DLGAP2: variants seen among roughly 807,000 people sequenced by gnomAD.
DLGAP2 encodes the protein DLG associated protein 2.
A neutral mutation model predicts 100.3 loss-of-function variants in DLGAP2; 26 were observed. The observed-to-expected ratio is 0.26, with a 90% CI of 0.19 to 0.36. The LOEUF is 0.36. DLGAP2 is among the 10% of genes least tolerant of loss of function. The pLI is 1.00. For missense variants in DLGAP2, 1,858 were observed against 1,453.2 expected, an observed-to-expected ratio of 1.28 and a Z score of -4.53; for synonymous variants, 886 against 630.1, an observed-to-expected ratio of 1.41 and a Z score of -6.08.
At chr8:1,104,697 G>T (rs894441082) in intron 2 of DLGAP2, among the ~76,000 whole-genome samples, 5 of 150,640 alleles carry the variant, frequency 3.3e-5, no homozygotes, top group Non-Finnish European at 7.4e-5. Context: ...CTGGTGGGCT[G>T]CACTGAGGGG....
intron 3 of DLGAP2, among the ~76,000 whole-genome samples, chr8:1,322,872 GCATAATTAT>G (rs1485820282): frequency 1.3e-5 from 2 of 152,150 alleles, no homozygotes; most frequent in Non-Finnish European, 2.9e-5. Flanking sequence ...TTGTCACAGT[GCATAATTAT>G]TATAATCATT....
intron 4 of DLGAP2, among the ~76,000 whole-genome samples, chr8:1,540,814 G>T (rs180928981): frequency 3.3e-5 from 5 of 152,376 alleles, no homozygotes; most frequent in Non-Finnish European, 5.9e-5. Context: ...GGATAATACA[G>T]TTCCACCTTT....
At chr8:1,421,600 G>C (rs904450949) in intron 3 of DLGAP2, among the ~76,000 whole-genome samples, 2 of 152,158 alleles carry the variant, frequency 1.3e-5, no homozygotes, top group Admixed American at 6.5e-5. Flanking sequence ...ATATTGAAGA[G>C]AGTAACGATT....
chr8:1,212,370 G>T (rs992631845), intron 2 of DLGAP2, among the ~76,000 whole-genome samples: 3 of 152,212 alleles, frequency 2.0e-5, no homozygotes, highest in African/African-American at 7.2e-5. Context: ...GACCCATGGA[G>T]CATTAAGAGA....
intron 2 of DLGAP2, among the ~76,000 whole-genome samples, chr8:1,208,093 T>G (rs1798032084): frequency 6.6e-6 from 1 of 152,238 alleles, no homozygotes; most frequent in Non-Finnish European, 1.5e-5. Flanking sequence ...TATCTTTGCT[T>G]TTGTTGAATT....
At chr8:1,189,890 G>T (rs374957994) in intron 2 of DLGAP2, among the ~76,000 whole-genome samples, 2 of 152,176 alleles carry the variant, frequency 1.3e-5, no homozygotes, top group East Asian at 3.9e-4. Context: ...GGTGATGGGG[G>T]AGGGTAACTC....
At chr8:1,456,384 C>T (rs1798312679) in intron 3 of DLGAP2, among the ~76,000 whole-genome samples, 4 of 152,108 alleles carry the variant, frequency 2.6e-5, no homozygotes, top group African/African-American at 7.2e-5. Context: ...CTAATGGTGC[C>T]GTGTATCTAA....
chr8:1,048,821 T>C (rs796771605), intron 2 of DLGAP2, among the ~76,000 whole-genome samples: 13 of 152,072 alleles, frequency 8.5e-5, no homozygotes, highest in African/African-American at 3.1e-4. Context: ...GTAAAATGAG[T>C]AGCCGGGATT....
Position 1,417,159 on chromosome 8 carries a change from A to AGG in DLGAP2, c.107-84207_107-84206insGG, listed in dbSNP as rs1563133699. On this transcript the variant is annotated intron_variant, in intron 3 of 14. Coordinates refer to ENST00000637795, the MANE Select transcript of DLGAP2 (RefSeq NM_001346810.2). ...TCTGAGGCGGGGGAGACTCTGAGTG[A>AGG]AGGGGAAGCCCCCGTTCATTTAGTG... Among the ~76,000 whole-genome samples, 43 of 77,220 alleles carry AGG rather than the reference A, an allele frequency of 5.6e-4. 5 individuals carry two copies. Among genetic ancestry groups the AGG allele is most frequent in the African/African-American group, 2.4e-3 (37 of 15,632 alleles). The allele number at this position is 77,220 out of a possible 152,430, so 50.7% of individuals were successfully genotyped here.
intron 12 of DLGAP2, among the ~76,000 whole-genome samples, chr8:1,690,865 A>C (rs1055978865): frequency 1.3e-5 from 2 of 152,134 alleles, no homozygotes; most frequent in African/African-American, 4.8e-5. Context: ...TACTGGGTAC[A>C]TGGATTGGTG....
At chr8:765,805 G>A (rs1028534914) in intron 1 of DLGAP2, among the ~76,000 whole-genome samples, 8 of 151,828 alleles carry the variant, frequency 5.3e-5, no homozygotes, top group African/African-American at 7.3e-5. Context: ...ACACACACAC[G>A]CGATGATGCA....
chr8:1,590,982 G>C (rs903535089), intron 6 of DLGAP2, among the ~76,000 whole-genome samples: 3 of 152,184 alleles, frequency 2.0e-5, no homozygotes, highest in African/African-American at 7.2e-5. Context: ...TGTGCTTCTA[G>C]TCTTGGGATA....
Position 1,586,454 on chromosome 8 carries a change from AC to A in DLGAP2, c.1442+20561del, listed in dbSNP as rs1236969519. ...TGTCTCACGTCCACATCGATCTCCG[AC>A]TTGCTCTGCCTTCCTCTTCTGCTTT... On this transcript the variant is annotated intron_variant, in intron 6 of 14. Coordinates refer to ENST00000637795, the MANE Select transcript of DLGAP2 (RefSeq NM_001346810.2). 2.5e-3 allele frequency among the ~76,000 whole-genome samples: 381 copies of A among 152,258 alleles called. 8 individuals are homozygous for A. The East Asian group carries it at 0.064, about 26-fold the overall frequency.
At chr8:1,522,964 A>C (rs75663825) in intron 4 of DLGAP2, among the ~76,000 whole-genome samples, 2,342 of 152,266 alleles carry the variant, frequency 0.015, 65 homozygotes, top group African/African-American at 0.053. Context: ...AAGTAACTTA[A>C]ATGCATTACC....
At chr8:1,365,376 C>G (rs1329640949) in intron 3 of DLGAP2, among the ~76,000 whole-genome samples, 1 of 152,114 alleles carries the variant, frequency 6.6e-6, no homozygotes, top group Non-Finnish European at 1.5e-5. Context: ...CAGGGAGATG[C>G]TTGGATTCCT....
rs539340524 is a variant in DLGAP2, at chr8:737,647, C to A, written c.-161C>A. On this transcript the variant is annotated 5_prime_UTR_variant, in exon 1 of 15. Coordinates refer to ENST00000637795, the MANE Select transcript of DLGAP2 (RefSeq NM_001346810.2). The stretch of plus-strand genomic sequence containing the variant: ...CCGTGAAGACCGACCGTGCGCCGGG[C>A]TCGAGCGCGGTCTGAGCGCGCGGCG... The A allele has an allele frequency of 4.6e-4, 161 of 352,138 alleles. No individual in the cohort carries two copies. In the East Asian group the frequency reaches 6.1e-3, roughly 13 times the overall value. 21.8% of individuals were successfully genotyped at this position (352,138 alleles called of 1,614,324 possible). A position where few individuals can be genotyped will look rare whatever the true frequency, so the allele number is the denominator to read the frequency against.
intron 2 of DLGAP2, among the ~76,000 whole-genome samples, chr8:1,255,788 ATCC>A (rs1799191472): frequency 1.3e-5 from 1 of 76,302 alleles, no homozygotes; most frequent in African/African-American, 5.1e-5. Context: ...GTGTCCTCTC[ATCC>A]TGCCTGGGTG....
intron 2 of DLGAP2, among the ~76,000 whole-genome samples, chr8:1,101,060 G>A (rs1804561870): frequency 6.6e-6 from 1 of 152,192 alleles, no homozygotes; most frequent in Admixed American, 6.5e-5. Flanking sequence ...GCGTTCACAA[G>A]CCCACGTCTA....
intron 2 of DLGAP2, among the ~76,000 whole-genome samples, chr8:1,017,922 C>T (rs967431133): frequency 2.0e-5 from 3 of 152,230 alleles, no homozygotes; most frequent in African/African-American, 7.2e-5. Flanking sequence ...GACACAGCCA[C>T]ACCTATGGCT....
Sources: gnomAD v4.1 joint callset for allele counts (sites outside exome capture counted in the v4.1 genomes callset) on GRCh38, gnomAD v4.1.1 for gene constraint, MANE v1.5 for transcripts, NCBI Gene and HGNC (gene_info 2026-07-23, HGNC 2026-07-21) for gene names.